The following FSTL5 variants were observed in gnomAD, a reference collection of about 807,000 sequenced individuals.
FSTL5 encodes the protein follistatin like 5, also known as follistatin-related protein 5.
A neutral mutation model predicts 89.1 loss-of-function variants in FSTL5; 62 were observed. That is an observed-to-expected ratio of 0.70 (90% CI 0.57 to 0.86). The LOEUF is 0.86. Among genes scored for constraint, FSTL5 ranks in the 40% least tolerant of loss-of-function variants. The pLI, the probability that FSTL5 is intolerant of heterozygous loss-of-function variation, is 0.00. For missense variants in FSTL5, 1,057 were observed against 1,001.6 expected (o/e 1.06, Z -0.75); for synonymous variants, 383 against 346.2 (o/e 1.11, Z -1.18).
intron 7 of FSTL5, among the ~76,000 whole-genome samples, chr4:161,634,576 C>T (rs531136198): frequency 2.4e-4 from 37 of 152,156 alleles, no homozygotes; most frequent in African/African-American, 8.4e-4. Context: ...AACAGGAACA[C>T]CTGCTGTTTG....
intron 1 of FSTL5, among the ~76,000 whole-genome samples, chr4:162,125,084 G>A (rs903366866): frequency 1.3e-5 from 2 of 152,180 alleles, no homozygotes; most frequent in African/African-American, 4.8e-5. Flanking sequence ...AAATAGCAAA[G>A]GCCAACCCTT....
At chr4:161,625,099 T>C (rs1377595626) in intron 7 of FSTL5, among the ~76,000 whole-genome samples, 2 of 152,248 alleles carry the variant, frequency 1.3e-5, no homozygotes, top group Middle Eastern at 3.4e-3. Context: ...ATATCTGTCA[T>C]ATGGAACAAT....
intron 11 of FSTL5, among the ~76,000 whole-genome samples, chr4:161,502,365 T>C (rs1000098797): frequency 6.6e-6 from 1 of 151,974 alleles, no homozygotes; most frequent in East Asian, 1.9e-4. Context: ...TTTTAAAATA[T>C]GAATTACACA....
At chr4:161,779,735 T>C (rs1741550398) in intron 4 of FSTL5, among the ~76,000 whole-genome samples, 1 of 117,786 alleles carries the variant, frequency 8.5e-6, no homozygotes, top group East Asian at 2.5e-4. Flanking sequence ...AATTCTGTAA[T>C]TTGTCCAAGG....
intron 8 of FSTL5, among the ~76,000 whole-genome samples, chr4:161,570,696 GA>G (rs1444469004): frequency 2.6e-5 from 4 of 152,300 alleles, no homozygotes; most frequent in Non-Finnish European, 5.9e-5. Context: ...AATTGTGTAA[GA>G]AAGACAAAGA....
At chr4:162,066,367 T>TCTTCTTCTTCTTCTTCTC (rs1561000598) in intron 2 of FSTL5, among the ~76,000 whole-genome samples, 4 of 136,466 alleles carry the variant, frequency 2.9e-5, no homozygotes, top group African/African-American at 8.0e-5. Context: ...TTCTTCTTCT[T>TCTTCTTCTTCTTCTTCTC]CTTCTCCTTC....
At chr4:161,751,040 AATC>A (rs111643673) in intron 6 of FSTL5, among the ~76,000 whole-genome samples, 12,143 of 152,134 alleles carry the variant, frequency 0.08, 910 homozygotes, top group African/African-American at 0.2. Flanking sequence ...TAGGATTATA[AATC>A]ATTATGTTAG....
chr4:161,423,739 T>C (rs1732071335), intron 15 of FSTL5, among the ~76,000 whole-genome samples: 1 of 152,186 alleles, frequency 6.6e-6, no homozygotes, highest in Non-Finnish European at 1.5e-5. Context: ...TCCAGGGTGA[T>C]GCATTAGTCC....
At chr4:161,971,963 CAA>C (rs1735497756) in intron 3 of FSTL5, among the ~76,000 whole-genome samples, 1 of 152,152 alleles carries the variant, frequency 6.6e-6, no homozygotes, top group Non-Finnish European at 1.5e-5. Flanking sequence ...CATACCAAGT[CAA>C]AGTTACTGTG....
At chr4:161,890,975 TA>T (rs955239276) in intron 4 of FSTL5, among the ~76,000 whole-genome samples, 30 of 151,620 alleles carry the variant, frequency 2.0e-4, no homozygotes, top group African/African-American at 4.8e-4. Flanking sequence ...ACTGAGTTCA[TA>T]AAAAAAAATT....
At chr4:161,773,970 A>G (rs1741302620) in intron 5 of FSTL5, among the ~76,000 whole-genome samples, 1 of 152,168 alleles carries the variant, frequency 6.6e-6, no homozygotes, top group Admixed American at 6.5e-5. Context: ...GGATAAAGAA[A>G]TTGTGATATG....
intron 4 of FSTL5, among the ~76,000 whole-genome samples, chr4:161,862,318 C>T (rs1337286754): frequency 6.6e-6 from 1 of 152,132 alleles, no homozygotes; most frequent in Middle Eastern, 3.2e-3. Flanking sequence ...GATTCAGCTG[C>T]TTTTACAATT....
chr4:161,551,054 A>G (rs200381478), intron 8 of FSTL5, among the ~76,000 whole-genome samples: 3 of 152,024 alleles, frequency 2.0e-5, no homozygotes, highest in East Asian at 3.9e-4. Flanking sequence ...ATGTGTGTGT[A>G]TGTCTTTATA....
intron 13 of FSTL5, 63 bp from the exon 14 acceptor site, chr4:161,459,382 G>A: frequency 1.0e-6 from 1 of 955,568 alleles, no homozygotes; most frequent in Non-Finnish European, 1.6e-6. Flanking sequence ...AGCTAGGCCA[G>A]AAATTATGAA....
At chr4:161,888,728 G>T (rs975386139) in intron 4 of FSTL5, among the ~76,000 whole-genome samples, 1 of 151,928 alleles carries the variant, frequency 6.6e-6, no homozygotes, top group African/African-American at 2.4e-5. Flanking sequence ...AGGAAGTCAT[G>T]ATTTGATTCT....
chr4:162,012,134 T>C (rs867092811), intron 3 of FSTL5, among the ~76,000 whole-genome samples: 1 of 152,218 alleles, frequency 6.6e-6, no homozygotes, highest in Non-Finnish European at 1.5e-5. Flanking sequence ...TCCACGAATA[T>C]ACTGTCTGGT....
At position 162,110,467 on chromosome 4, in the gene FSTL5, ATTTG is replaced by A. The variant is rs1731392407; in HGVS notation, c.126+800_126+803del. ...TTAATTCCAAGGGGAAAAAAAATCT[ATTTG>A]TTTATTTCAAAAGTCTTTCTTATAG... On this transcript the variant is annotated intron_variant, in intron 2 of 15. Coordinates refer to ENST00000306100, the MANE Select transcript of FSTL5 (RefSeq NM_020116.5). Among the ~76,000 whole-genome samples, 3 of 151,984 alleles carry A rather than the reference ATTTG, an allele frequency of 2.0e-5. No homozygotes were observed. In the South Asian group the frequency reaches 6.2e-4, roughly 31 times the overall value.
intron 7 of FSTL5, among the ~76,000 whole-genome samples, chr4:161,613,856 T>C (rs567442942): frequency 2.0e-5 from 3 of 152,344 alleles, no homozygotes; most frequent in Admixed American, 6.5e-5. Context: ...GACATTTATT[T>C]TCTGCTAAAC....
intron 3 of FSTL5, among the ~76,000 whole-genome samples, chr4:161,921,174 T>C (rs1242622070): frequency 6.6e-6 from 1 of 152,180 alleles, no homozygotes. Flanking sequence ...AATGTATGCA[T>C]ACAAGGCAGA....
Sources: allele counts gnomAD v4.1 joint callset (sites outside exome capture counted in the v4.1 genomes callset), GRCh38; gene constraint gnomAD v4.1.1; transcripts MANE v1.5; gene names NCBI Gene and HGNC (gene_info 2026-07-23, HGNC 2026-07-21).